The following OLA1 variants were observed in gnomAD, a reference collection of about 807,000 sequenced individuals.
OLA1 encodes the protein Obg like ATPase 1.
A neutral mutation model predicts 48.4 loss-of-function variants in OLA1; 14 were observed. That is an observed-to-expected ratio of 0.29 (90% CI 0.19 to 0.45). The LOEUF (loss-of-function observed/expected upper bound fraction) is 0.45. Ranked by LOEUF, OLA1 falls within the 20% of genes least tolerant of loss-of-function variation. The pLI is 1.00. For synonymous variants in OLA1, 127 were observed against 150.4 expected, an observed-to-expected ratio of 0.84 and a Z score of 1.14; for missense variants, 325 against 467.1, an observed-to-expected ratio of 0.70 and a Z score of 2.80.
At chr2:174,201,315 C>G (rs1439186056) in intron 4 of OLA1, among the ~76,000 whole-genome samples, 1 of 152,164 alleles carries the variant, frequency 6.6e-6, no homozygotes, top group Non-Finnish European at 1.5e-5. Flanking sequence ...CTTCCATTTA[C>G]TAACTTAAGC....
At chr2:174,210,159 A>C (rs1156435563) in intron 4 of OLA1, among the ~76,000 whole-genome samples, 2 of 152,198 alleles carry the variant, frequency 1.3e-5, no homozygotes. Context: ...AACTGACAGT[A>C]GATGTCATAG....
At chr2:174,116,556 G>C (rs907062368) in intron 7 of OLA1, among the ~76,000 whole-genome samples, 1 of 152,136 alleles carries the variant, frequency 6.6e-6, no homozygotes, top group African/African-American at 2.4e-5. Flanking sequence ...CTGAGATATG[G>C]AAGAGGGAAT....
chr2:174,176,686 G>A (rs1024946211), intron 4 of OLA1, among the ~76,000 whole-genome samples: 8 of 151,934 alleles, frequency 5.3e-5, no homozygotes, highest in Non-Finnish European at 7.4e-5. Flanking sequence ...ACATTTCACC[G>A]TGGTAAGGTC....
intron 4 of OLA1, among the ~76,000 whole-genome samples, chr2:174,185,303 GTT>G (rs1687634007): frequency 1.3e-5 from 2 of 152,134 alleles, no homozygotes; most frequent in African/African-American, 4.8e-5. Flanking sequence ...TATTCTCAAG[GTT>G]AACTGGGAAG....
intron 7 of OLA1, among the ~76,000 whole-genome samples, chr2:174,099,152 TTTTA>T (rs1342634712): frequency 6.6e-6 from 1 of 151,954 alleles, no homozygotes; most frequent in African/African-American, 2.4e-5. Flanking sequence ...GACTTTGTTA[TTTTA>T]TTTATTTTTT....
chr2:174,105,101 T>C (rs1685485585), intron 7 of OLA1, among the ~76,000 whole-genome samples: 1 of 151,974 alleles, frequency 6.6e-6, no homozygotes, highest in Admixed American at 6.6e-5. Flanking sequence ...AGGGTCATTA[T>C]TTCTGCTAAT....
rs992497304 is a variant in OLA1, at chr2:174,074,590, C to T, written c.*836G>A. The T allele has an allele frequency of 3.3e-5, 5 of 152,112 alleles. No individual in the cohort carries two copies. The highest frequency in any genetic ancestry group is 4.8e-5 in the African/African-American group (2 of 41,422). The allele number at this position is 152,112 out of a possible 1,614,324, so 9.4% of individuals were successfully genotyped here. Reference sequence around the variant, plus strand: ...TGAATTGAAGCAAAACATAACCCACCAGACATCAATGGGTCAGTTTTTACA... The same window carrying T: ...TGAATTGAAGCAAAACATAACCCACTAGACATCAATGGGTCAGTTTTTACA... On this transcript the variant is annotated 3_prime_UTR_variant, in exon 11 of 11. Transcript: ENST00000284719.
chr2:174,159,488 A>G (rs988079049), intron 4 of OLA1, among the ~76,000 whole-genome samples: 1 of 152,276 alleles, frequency 6.6e-6, no homozygotes, highest in East Asian at 1.9e-4. Flanking sequence ...CACCATACAC[A>G]TGTGTGTGTT....
intron 4 of OLA1, among the ~76,000 whole-genome samples, chr2:174,155,049 C>A (rs1284302110): frequency 6.6e-6 from 1 of 152,190 alleles, no homozygotes; most frequent in Non-Finnish European, 1.5e-5. Context: ...TAGCAATATG[C>A]CTTCTCTAAC....
chr2:174,132,232 T>C (rs1191502807), intron 5 of OLA1, among the ~76,000 whole-genome samples: 3 of 152,134 alleles, frequency 2.0e-5, no homozygotes, highest in Non-Finnish European at 4.4e-5. Context: ...GTTTCGCTTT[T>C]CTTTTTCCCC....
Position 174,167,537 on chromosome 2 carries a change from T to C in OLA1, c.374-25537A>G, listed in dbSNP as rs144506204. 7.0e-4 allele frequency among the ~76,000 whole-genome samples: 107 copies of C among 152,230 alleles called. 2 individuals carry two copies. The East Asian group carries it at 0.015, about 21-fold the overall frequency. On this transcript the variant is annotated intron_variant, in intron 4 of 10. Transcript: ENST00000284719. Reference sequence around the variant, plus strand: ...GTTGCAGTGAGCAGAAATTGCACCATTGCACTCCAGCCTGGGCAACAAGAG... The same window carrying C: ...GTTGCAGTGAGCAGAAATTGCACCACTGCACTCCAGCCTGGGCAACAAGAG...
intron 7 of OLA1, among the ~76,000 whole-genome samples, chr2:174,106,015 C>CTTG (rs57191818): frequency 0.52 from 78,486 of 151,504 alleles, 20,878 homozygotes; most frequent in East Asian, 0.95. Flanking sequence ...TTAACCAATA[C>CTTG]TTGTTGAAAA....
chr2:174,179,916 A>G (rs1443807643), intron 4 of OLA1, among the ~76,000 whole-genome samples: 2 of 152,130 alleles, frequency 1.3e-5, no homozygotes, highest in Non-Finnish European at 2.9e-5. Flanking sequence ...TAATTTAATG[A>G]AAAAGCATAA....
chr2:174,120,371 C>G (rs1351070828), intron 7 of OLA1, among the ~76,000 whole-genome samples: 2 of 152,124 alleles, frequency 1.3e-5, no homozygotes, highest in Admixed American at 1.3e-4. Flanking sequence ...ATGAAAACCT[C>G]AAGTGTTCAA....
At chr2:174,110,825 T>C (rs1685631430) in intron 7 of OLA1, among the ~76,000 whole-genome samples, 1 of 152,118 alleles carries the variant, frequency 6.6e-6, no homozygotes, top group Admixed American at 6.5e-5. Flanking sequence ...CAAATGATCC[T>C]CCTGCCTCGG....
intron 7 of OLA1, among the ~76,000 whole-genome samples, chr2:174,089,366 C>A (rs886969167): frequency 1.3e-5 from 2 of 152,114 alleles, no homozygotes; most frequent in African/African-American, 4.8e-5. Context: ...ACAAAAATGT[C>A]TGAGATAACT....
intron 4 of OLA1, among the ~76,000 whole-genome samples, chr2:174,174,017 C>T (rs1345544837): frequency 1.5e-5 from 1 of 65,616 alleles, no homozygotes; most frequent in Non-Finnish European, 2.7e-5. Context: ...CCCATACATA[C>T]ACACACACAC....
chr2:174,134,616 AC>A (rs1381695384), intron 5 of OLA1, among the ~76,000 whole-genome samples: 1 of 152,180 alleles, frequency 6.6e-6, no homozygotes, highest in African/African-American at 2.4e-5. Context: ...TATTTTGAAA[AC>A]ATTTTAAACT....
intron 4 of OLA1, among the ~76,000 whole-genome samples, chr2:174,145,199 A>C (rs1686565544): frequency 6.6e-6 from 1 of 151,614 alleles, no homozygotes; most frequent in Admixed American, 6.6e-5. Context: ...GGAATATACT[A>C]TTTTTTTATA....
Sources: allele counts gnomAD v4.1 joint callset (sites outside exome capture counted in the v4.1 genomes callset), GRCh38; gene constraint gnomAD v4.1.1; transcripts MANE v1.5; gene names NCBI Gene and HGNC (gene_info 2026-07-23, HGNC 2026-07-21).